FRYL: variants seen among roughly 807,000 people sequenced by gnomAD.
The protein encoded by FRYL is protein furry homolog-like.
In FRYL, 150 loss-of-function variants were observed where a neutral mutation model predicts 351.2. The ratio of observed to expected loss-of-function variants is 0.43; its 90% CI spans 0.37 to 0.49. FRYL has a LOEUF of 0.49. Among genes scored for constraint, FRYL ranks in the 20% least tolerant of loss-of-function variants. FRYL has a pLI of 0.00. For missense variants in FRYL, 3,036 were observed against 3,619.3 expected (o/e 0.84, Z 4.13); for synonymous variants, 1,153 against 1,257.1 (o/e 0.92, Z 1.75).
At chr4:48,588,628 G>A (rs1742623741) in intron 18 of FRYL, among the ~76,000 whole-genome samples, 1 of 151,980 alleles carries the variant, frequency 6.6e-6, no homozygotes, top group African/African-American at 2.4e-5. Flanking sequence ...TTCCCCATAG[G>A]TAACTGTTTG....
At chr4:48,602,448 T>C (rs924975465) in intron 12 of FRYL, among the ~76,000 whole-genome samples, 4 of 152,168 alleles carry the variant, frequency 2.6e-5, no homozygotes, top group Non-Finnish European at 5.9e-5. Context: ...AATGTTAGCT[T>C]TCTGTTTGTC....
At chr4:48,519,362 G>T (rs1362353364) in intron 55 of FRYL, among the ~76,000 whole-genome samples, 2 of 151,976 alleles carry the variant, frequency 1.3e-5, no homozygotes, top group Non-Finnish European at 2.9e-5. Context: ...CCCTCTGCCT[G>T]GAATGTCCCA....
intron 1 of FRYL, among the ~76,000 whole-genome samples, chr4:48,775,674 TG>T (rs1419098453): frequency 6.6e-6 from 1 of 152,210 alleles, no homozygotes; most frequent in Non-Finnish European, 1.5e-5. Context: ...GAGTGCCCGC[TG>T]GGAGTCTCAA....
At chr4:48,703,788 C>A (rs1339888797) in intron 2 of FRYL, among the ~76,000 whole-genome samples, 1 of 152,298 alleles carries the variant, frequency 6.6e-6, no homozygotes, top group Middle Eastern at 3.4e-3. Context: ...TTAGACCATT[C>A]CCTGAGAGCT....
At position 48,557,113 on chromosome 4, in the gene FRYL, G is replaced by A. The variant is rs781272929; in HGVS notation, c.4131C>T (p.Gly1377=). ...CCACCTCCGACCAGGCCAGTTCATC[G>A]CCATACTAGATGCAATATGCACAAA... is the stretch of plus-strand genomic sequence containing the variant. The part of the protein sequence containing the change: ...NNLMYMTAKY[G]DELAWSEVEN... The change falls in exon 35 of 64, where the codon GGC becomes GGT. Residue 1377 remains glycine, a synonymous_variant. Coordinates refer to ENST00000358350, the MANE Select transcript of FRYL (RefSeq NM_015030.2). 2.2e-5 allele frequency: 34 copies of A among 1,580,936 alleles called. No homozygotes were observed. Among genetic ancestry groups the A allele is most frequent in the Admixed American group, 3.4e-5 (2 of 58,896 alleles).
intron 1 of FRYL, among the ~76,000 whole-genome samples, chr4:48,724,577 C>CG (rs925658702): frequency 8.5e-5 from 13 of 152,086 alleles, no homozygotes; most frequent in Admixed American, 2.0e-4. Context: ...GAGTTGGGTG[C>CG]GGGGGGGCTG....
At chr4:48,594,579 CTT>C (rs1744211280) in intron 15 of FRYL, among the ~76,000 whole-genome samples, 1 of 152,164 alleles carries the variant, frequency 6.6e-6, no homozygotes, top group South Asian at 2.1e-4. Context: ...GCACAATTTG[CTT>C]TTATTAATCT....
chr4:48,779,557 C>T (rs1776413145), intron 1 of FRYL, among the ~76,000 whole-genome samples: 1 of 151,978 alleles, frequency 6.6e-6, no homozygotes, highest in South Asian at 2.1e-4. Context: ...CCAGCCGCCG[C>T]GCTAAGTTTG....
chr4:48,546,727 AG>A (rs1278628106), intron 41 of FRYL: 1 of 158,386 alleles, frequency 6.3e-6, no homozygotes, highest in African/African-American at 2.4e-5. Context: ...AAACTGTTAA[AG>A]GTTATTACTA....
intron 3 of FRYL, among the ~76,000 whole-genome samples, chr4:48,640,889 T>C (rs1164510807): frequency 6.6e-6 from 1 of 151,860 alleles, no homozygotes; most frequent in Non-Finnish European, 1.5e-5. Context: ...AGAGTGAAAA[T>C]AAAAAACAGC....
At chr4:48,705,195 AG>A (rs1767187748) in intron 2 of FRYL, among the ~76,000 whole-genome samples, 1 of 152,190 alleles carries the variant, frequency 6.6e-6, no homozygotes, top group Non-Finnish European at 1.5e-5. Flanking sequence ...CCCCAAACAC[AG>A]TGGAAAGATA....
intron 1 of FRYL, among the ~76,000 whole-genome samples, chr4:48,718,210 T>A (rs1769082641): frequency 6.6e-6 from 1 of 151,618 alleles, no homozygotes. Flanking sequence ...AATTACATAG[T>A]TTAGTTGCAT....
chr4:48,507,778 C>T (rs900900938), intron 59 of FRYL, among the ~76,000 whole-genome samples: 3 of 152,096 alleles, frequency 2.0e-5, no homozygotes, highest in Non-Finnish European at 4.4e-5. Context: ...GAAAAGAGAA[C>T]TGCAGAGAAG....
At chr4:48,706,841 C>A (rs76149421) in intron 2 of FRYL, among the ~76,000 whole-genome samples, 7,056 of 152,112 alleles carry the variant, frequency 0.046, 299 homozygotes, top group East Asian at 0.23. Context: ...TGGCCAACAG[C>A]CAGAAAGAAC....
At chr4:48,712,176 G>A (rs1471502869) in intron 1 of FRYL, among the ~76,000 whole-genome samples, 5 of 152,120 alleles carry the variant, frequency 3.3e-5, no homozygotes, top group South Asian at 2.1e-4. Flanking sequence ...CTCCTCCAAC[G>A]GAACGCAGTT....
In FRYL at chr4:48,499,298, T is replaced by C. The variant is rs1339082003; in HGVS notation, c.*124A>G. The C allele has an allele frequency of 1.3e-6, 1 of 780,804 alleles. No homozygotes were observed. The highest frequency in any genetic ancestry group is 2.5e-5 in the East Asian group (1 of 40,370). The allele number at this position is 780,804 out of a possible 1,614,324, so 48.4% of individuals were successfully genotyped here. On this transcript the variant is annotated 3_prime_UTR_variant, in exon 64 of 64. Transcript: ENST00000358350. ...TGTTTTTGATGATACAGTTTGACAT[T>C]AGTTACACTAAAAAGTAGATGCTGC...
chr4:48,507,715 TGATA>T (rs1553913544), intron 59 of FRYL, among the ~76,000 whole-genome samples: 1 of 147,954 alleles, frequency 6.8e-6, no homozygotes, highest in African/African-American at 2.5e-5. Context: ...GATAGATAGA[TGATA>T]GATAGATAGA....
At chr4:48,559,239 T>A (rs1237123489) in intron 33 of FRYL, among the ~76,000 whole-genome samples, 1 of 151,942 alleles carries the variant, frequency 6.6e-6, no homozygotes, top group Non-Finnish European at 1.5e-5. Context: ...ACCTCTGGTA[T>A]AAAAGACATG....
chr4:48,586,057 C>A (rs1391045474), intron 19 of FRYL, among the ~76,000 whole-genome samples: 1 of 152,136 alleles, frequency 6.6e-6, no homozygotes, highest in Admixed American at 6.5e-5. Context: ...ATCAACAAAG[C>A]AGTTTTTCAA....
Sources: allele counts gnomAD v4.1 joint callset (sites outside exome capture counted in the v4.1 genomes callset), GRCh38; gene constraint gnomAD v4.1.1; transcripts MANE v1.5; gene names NCBI Gene and HGNC (gene_info 2026-07-23, HGNC 2026-07-21).